The following AMPD2 variants were observed in gnomAD, a reference collection of about 807,000 sequenced individuals.
AMPD2 encodes the protein adenosine monophosphate deaminase 2, also known as AMP deaminase 2.
Under a neutral mutation model 91.3 loss-of-function variants are expected in AMPD2, and 52 were observed. The observed-to-expected ratio is 0.57, with a 90% CI of 0.46 to 0.72. The LOEUF (loss-of-function observed/expected upper bound fraction) is 0.72, where lower values mean the gene tolerates loss of function less well. Among genes scored for constraint, AMPD2 ranks in the 30% least tolerant of loss-of-function variants. AMPD2 has a pLI of 0.00. For synonymous variants in AMPD2, 455 were observed against 456.4 expected (o/e 1.00, Z 0.04); for missense variants, 822 against 1,122.3 (o/e 0.73, Z 3.82).
intron 4 of AMPD2, 117 bp from the exon 5 acceptor site, chr1:109,626,043 T>C: frequency 8.0e-7 from 1 of 1,253,626 alleles, no homozygotes; most frequent in South Asian, 1.3e-5. Flanking sequence ...GTTCTGCAGC[T>C]CTGCCTTTGA....
At chr1:109,620,481 C>T (rs1291199206) in intron 1 of AMPD2, 5 of 1,174,152 alleles carry the variant, frequency 4.3e-6, no homozygotes, top group Non-Finnish European at 5.6e-6. Context: ...TGTCCCAGAC[C>T]CCCAGACAAG....
rs372568349 is a variant in AMPD2, at chr1:109,627,427, A to G, written c.861-2A>G. On this transcript the variant is annotated splice_acceptor_variant, in intron 8 of 18. Coordinates refer to ENST00000528667, the MANE Select transcript of AMPD2 (RefSeq NM_001368809.2). LOFTEE classifies it high-confidence loss of function. ...CCTCACCCAAGCTCCCCTCCATGCC[A>G]GTTGCTCAGAGGTGGAGCTGCCATA... 4 of 1,613,914 alleles carry G rather than the reference A, an allele frequency of 2.5e-6. No homozygotes were observed. The highest frequency in any genetic ancestry group is 1.3e-5 in the African/African-American group (1 of 74,886).
intron 2 of AMPD2, chr1:109,622,036 T>C (rs1415814239): frequency 2.7e-6 from 1 of 366,414 alleles, no homozygotes; most frequent in Non-Finnish European, 5.4e-6. Context: ...CAGAGGGATA[T>C]CTGCCTGCTG....
At chr1:109,627,098 C>T (rs1288767902) in intron 7 of AMPD2, 77 bp from the exon 8 acceptor site, 8 of 1,598,106 alleles carry the variant, frequency 5.0e-6, no homozygotes, top group African/African-American at 1.3e-5. Context: ...ATCTCTTGCC[C>T]TCTGTGGGGC....
rs761770522 is a variant in AMPD2, at chr1:109,621,267, G to T, written c.91+1G>T. 6.2e-7 allele frequency: 1 copy of T among 1,612,608 alleles called. No individual in the cohort carries two copies. The highest frequency in any genetic ancestry group is 8.5e-7 in the Non-Finnish European group (1 of 1,179,528). On this transcript the variant is annotated splice_donor_variant, in intron 2 of 18. Coordinates refer to ENST00000528667, the MANE Select transcript of AMPD2 (RefSeq NM_001368809.2). LOFTEE classifies it high-confidence loss of function. Reference sequence around the variant, plus strand: ...CTGCAGGCCTCCACTGCAGCTCCAGGTGAGTGTGTGCTTCCTGGCCTCAGG... The same window carrying T: ...CTGCAGGCCTCCACTGCAGCTCCAGTTGAGTGTGTGCTTCCTGGCCTCAGG...
Position 109,620,207 on chromosome 1 carries a change from G to C in AMPD2, c.-334G>C. The C allele has an allele frequency of 6.2e-7, 1 of 1,613,492 alleles. No individual in the cohort carries two copies. The highest frequency in any genetic ancestry group is 8.5e-7 in the Non-Finnish European group (1 of 1,179,448). On this transcript the variant is annotated 5_prime_UTR_variant, in exon 1 of 19. Coordinates refer to ENST00000528667, the MANE Select transcript of AMPD2 (RefSeq NM_001368809.2). ...GGCCCGATCCCCCTGCCGTCCCTCA[G>C]GACCCGGGCTTTCTGCTGTACAGAC...
Position 109,631,115 on chromosome 1 carries a change from A to G in AMPD2, c.2441A>G (p.Glu814Gly), listed in dbSNP as rs377553191. The change falls in exon 19 of 19, where the codon GAG (glutamate) becomes GGG (glycine). Residue 814 changes from glutamate to glycine, a missense_variant. Physicochemically the swap from Glu to Gly is moderately conservative, Grantham distance 98. Coordinates refer to ENST00000528667, the MANE Select transcript of AMPD2 (RefSeq NM_001368809.2). ...VQSEMLETIP[E>G]EAGITMSPGP... ...AGTGAGATGCTGGAGACCATTCCAG[A>G]GGAGGCGGGTATCACCATGAGCCCA... 1.9e-6 allele frequency: 3 copies of G among 1,602,154 alleles called. No individual in the cohort carries two copies. Among genetic ancestry groups the G allele is most frequent in the South Asian group, 1.1e-5 (1 of 89,262 alleles).
chr1:109,624,121 G>A lies in AMPD2; in HGVS notation c.92-1182G>A. ...TTCAGGCAGGGGCCGGGGTGCGCAG[G>A]GGACGGGGTCCTGGATCTGGGGCAG... On this transcript the variant is annotated intron_variant, in intron 2 of 18. Coordinates refer to ENST00000528667, the MANE Select transcript of AMPD2 (RefSeq NM_001368809.2). This position sits in a 1 kb window ranked among gnomAD's most constrained non-coding sequence, Gnocchi z 5.2. 1 of 974,604 alleles carries A rather than the reference G, an allele frequency of 1.0e-6. No homozygotes were observed. The highest frequency in any genetic ancestry group is 1.2e-6 in the Non-Finnish European group (1 of 820,036). 60.4% of individuals were successfully genotyped at this position (974,604 alleles called of 1,614,324 possible). A position where few individuals can be genotyped will look rare whatever the true frequency, so the allele number is the denominator to read the frequency against.
chr1:109,621,446 C>CTGGGGGGGGGGGGGGGGGGGGGGGGGG, intron 2 of AMPD2, 180 bp downstream of exon 2: 1 of 132,800 alleles, frequency 7.5e-6, no homozygotes, highest in Non-Finnish European at 1.5e-5. Flanking sequence ...TGGTGGGGGG[C>CTGGGGGGGGGGGGGGGGGGGGGGGGGG]GGGGGGTGGA....
chr1:109,630,951 C>T lies in AMPD2; in HGVS notation c.2277C>T (p.Ser759=). The T allele has an allele frequency of 1.2e-6, 2 of 1,614,094 alleles. No homozygotes were observed. Among genetic ancestry groups the T allele is most frequent in the Non-Finnish European group, 1.7e-6 (2 of 1,180,016 alleles). ...LMSGFSHKVK[S]HWLGPNYTKE... Reference sequence around the variant, plus strand: ...ACCCCCGCTCCTTGCAGGTAAAGAGCCACTGGCTGGGACCCAACTATACCA... The same window carrying T: ...ACCCCCGCTCCTTGCAGGTAAAGAGTCACTGGCTGGGACCCAACTATACCA... The change falls in exon 19 of 19, where the codon AGC becomes AGT. Residue 759 remains serine (S), a synonymous_variant. Coordinates refer to ENST00000528667, the MANE Select transcript of AMPD2 (RefSeq NM_001368809.2).
intron 2 of AMPD2, among the ~76,000 whole-genome samples, chr1:109,623,437 G>T (rs1650411178): frequency 1.3e-5 from 2 of 152,266 alleles, no homozygotes; most frequent in Non-Finnish European, 2.9e-5. Flanking sequence ...CAGGTCTAGG[G>T]GCCTGCGAAC....
chr1:109,625,814 T>C lies in AMPD2; in HGVS notation c.353+22T>C. On this transcript the variant is annotated intron_variant, in intron 4 of 18. Coordinates refer to ENST00000528667, the MANE Select transcript of AMPD2 (RefSeq NM_001368809.2). The surrounding 1 kb of genome is among the most constrained non-coding windows in gnomAD (Gnocchi z 4.0). ...TCAAGTGAGCCCGGCAGGCAGCTGC[T>C]TAGTCTCCCTCCATACCCTTCCAGA... 1.2e-6 allele frequency: 2 copies of C among 1,613,766 alleles called. No individual in the cohort carries two copies. Among genetic ancestry groups the C allele is most frequent in the Non-Finnish European group, 1.7e-6 (2 of 1,179,938 alleles).
intron 2 of AMPD2, among the ~76,000 whole-genome samples, chr1:109,623,568 A>G (rs768943082): frequency 6.6e-6 from 1 of 152,280 alleles, no homozygotes; most frequent in Non-Finnish European, 1.5e-5. Flanking sequence ...CTCCTGAGGG[A>G]TGCCATAATC....
chr1:109,626,789 A>G lies in AMPD2; in HGVS notation c.595A>G (p.Lys199Glu). Residue 199 changes from lysine to glutamate, a missense_variant, in exon 7 of 19, where the codon AAG becomes GAG. Around this residue, in one of 5 missense-constraint regions of AMPD2, gnomAD observed 240 missense variants for 270.3 expected, o/e 0.89. Transcript: ENST00000528667. ...GGTGCGGGCGCTCTTCATCCGGGAG[A>G]AGTACATGGCCCTGTCCCTGCAGAG... Reference protein sequence around the residue: ...SVVRALFIREKYMALSLQSFC... With the variant: ...SVVRALFIREEYMALSLQSFC... 6.2e-7 allele frequency: 1 copy of G among 1,613,820 alleles called. No homozygotes were observed. Among genetic ancestry groups the G allele is most frequent in the Non-Finnish European group, 8.5e-7 (1 of 1,179,890 alleles).
intron 1 of AMPD2, 25 bp from the exon 2 acceptor site, chr1:109,620,889 C>T (rs1402912186): frequency 4.2e-6 from 6 of 1,443,914 alleles, no homozygotes; most frequent in South Asian, 1.5e-5. Context: ...TCTTTTCTAC[C>T]CACCCCCTCC....
chr1:109,630,044 A>C (rs1570595138), intron 16 of AMPD2, 128 bp downstream of exon 16: 4 of 1,432,086 alleles, frequency 2.8e-6, no homozygotes, highest in Non-Finnish European at 3.8e-6. Context: ...CAATGTAACT[A>C]CCCTTCCCCA....
Position 109,627,982 on chromosome 1 carries a change from C to A in AMPD2, c.1080+79C>A, listed in dbSNP as rs563126383. 10 of 1,605,122 alleles carry A rather than the reference C, an allele frequency of 6.2e-6. No homozygotes were observed. The Admixed American group carries it at 1.7e-4, about 27-fold the overall frequency. ...GCCTCCCCTTCAAGGGCCAGGCCCC[C>A]CACACAGCATCCAGTACAGAGGGTC... On this transcript the variant is annotated intron_variant, in intron 10 of 18. Coordinates refer to ENST00000528667, the MANE Select transcript of AMPD2 (RefSeq NM_001368809.2).
rs1236521489 is a variant in AMPD2, at chr1:109,624,090, G to A, written c.92-1213G>A. On this transcript the variant is annotated intron_variant, in intron 2 of 18. Coordinates refer to ENST00000528667, the MANE Select transcript of AMPD2 (RefSeq NM_001368809.2). The surrounding 1 kb of genome is among the most constrained non-coding windows in gnomAD (Gnocchi z 5.2). The stretch of plus-strand genomic sequence containing the variant: ...GGCCGGAGCTGCCTGCACTCTGCAG[G>A]TAGGGTTCAGGCAGGGGCCGGGGTG... 1 of 985,544 alleles carries A rather than the reference G, an allele frequency of 1.0e-6. No individual in the cohort carries two copies. Among genetic ancestry groups the A allele is most frequent in the African/African-American group, 1.7e-5 (1 of 57,260 alleles). 61.0% of individuals were successfully genotyped at this position (985,544 alleles called of 1,614,324 possible). A position where few individuals can be genotyped will look rare whatever the true frequency, so the allele number is the denominator to read the frequency against.
chr1:109,631,632 C>T lies in AMPD2; in HGVS notation c.*480C>T, dbSNP rs1651280564. 4.6e-6 allele frequency: 1 copy of T among 216,578 alleles called. No individual in the cohort carries two copies. Among genetic ancestry groups the T allele is most frequent in the Non-Finnish European group, 9.5e-6 (1 of 105,820 alleles). 13.4% of individuals were successfully genotyped at this position (216,578 alleles called of 1,614,324 possible). On this transcript the variant is annotated 3_prime_UTR_variant, in exon 19 of 19. Transcript: ENST00000528667. ...GGGGCTGCTGAGGGTCTGTGGAACT[C>T]CAGCAGCTCTGCACTGGGTAGAGCT...
Sources: allele counts gnomAD v4.1 joint callset (sites outside exome capture counted in the v4.1 genomes callset), GRCh38; gene constraint gnomAD v4.1.1; regional missense constraint gnomAD v4.1.1; non-coding constraint Gnocchi (gnomAD v3.1); transcripts MANE v1.5; gene names NCBI Gene and HGNC (gene_info 2026-07-23, HGNC 2026-07-21).